Variants in NUP188 observed in about 807,000 individuals in gnomAD.
The protein encoded by NUP188 is nucleoporin NUP188.
In NUP188, 97 loss-of-function variants were observed where a neutral mutation model predicts 223.0. The ratio of observed to expected loss-of-function variants is 0.43; its 90% CI spans 0.37 to 0.51. NUP188 has a LOEUF of 0.51. Ranked by LOEUF, NUP188 falls within the 20% of genes least tolerant of loss-of-function variation. The pLI is 0.00. For synonymous variants in NUP188, 869 were observed against 828.0 expected, an observed-to-expected ratio of 1.05 and a Z score of -0.85; for missense variants, 1,947 against 2,175.6, an observed-to-expected ratio of 0.89 and a Z score of 2.09.
intron 13 of NUP188, among the ~76,000 whole-genome samples, chr9:128,979,706 C>T (rs1334281376): frequency 3.3e-5 from 5 of 152,038 alleles, no homozygotes; most frequent in Admixed American, 3.3e-4. Flanking sequence ...GATCTCGGCT[C>T]ACTGCAACCT....
At position 128,999,620 on chromosome 9, in the gene NUP188, A is replaced by G. The variant is rs2302811; in HGVS notation, c.3662-4A>G. 0.37 allele frequency: 603,964 copies of G among 1,611,356 alleles called. 117,674 individuals carry two copies. The highest frequency in any genetic ancestry group is 0.42 in the Admixed American group (25,052 of 59,938). ...GACAGTGTCCCTCCCTGTCTATTCT[A>G]CAGTAAGTGACATCCCCCAGTACTC... is the stretch of plus-strand genomic sequence containing the variant. On this transcript the variant is annotated splice_region_variant and splice_polypyrimidine_tract_variant and intron_variant, in intron 33 of 43. Coordinates refer to ENST00000372577, the MANE Select transcript of NUP188 (RefSeq NM_015354.3).
chr9:129,004,317 A>G (rs1201695516), intron 38 of NUP188, among the ~76,000 whole-genome samples: 2 of 151,490 alleles, frequency 1.3e-5, no homozygotes, highest in Non-Finnish European at 2.9e-5. Context: ...AAACAAAACC[A>G]AAAAAACACA....
At chr9:128,961,085 CAA>C (rs561298362) in intron 8 of NUP188, among the ~76,000 whole-genome samples, 3 of 41,028 alleles carry the variant, frequency 7.3e-5, no homozygotes, top group Non-Finnish European at 1.5e-4. Flanking sequence ...GACTCCGTCT[CAA>C]AAAAAAAAAA....
intron 8 of NUP188, among the ~76,000 whole-genome samples, chr9:128,963,348 C>T (rs541434176): frequency 2.7e-5 from 4 of 147,850 alleles, no homozygotes; most frequent in Admixed American, 6.8e-5. Context: ...TTCAGTGGCG[C>T]GATTTCGACT....
intron 30 of NUP188, among the ~76,000 whole-genome samples, chr9:128,996,020 T>A (rs1345986498): frequency 6.6e-6 from 1 of 151,978 alleles, no homozygotes; most frequent in African/African-American, 2.4e-5. Context: ...CTACTGGGAG[T>A]TGGTTTTGAG....
intron 8 of NUP188, among the ~76,000 whole-genome samples, chr9:128,960,501 A>G (rs1009403026): frequency 1.3e-5 from 2 of 152,254 alleles, no homozygotes; most frequent in Non-Finnish European, 2.9e-5. Flanking sequence ...ATAGATGAAA[A>G]GGGCCTATTT....
chr9:128,994,300 G>A (rs1842481059), intron 27 of NUP188, 73 bp from the exon 28 acceptor site: 5 of 994,120 alleles, frequency 5.0e-6, no homozygotes, highest in African/African-American at 3.2e-5. Context: ...GACCACCAAA[G>A]GGAGCTTGAG....
chr9:129,003,481 G>A (rs1337281165), intron 38 of NUP188, 27 bp downstream of exon 38: 3 of 1,604,222 alleles, frequency 1.9e-6, no homozygotes, highest in African/African-American at 1.3e-5. Flanking sequence ...GTGTCTTGGA[G>A]TCTGGGGTAA....
intron 12 of NUP188, among the ~76,000 whole-genome samples, chr9:128,974,844 C>T (rs929435287): frequency 1.3e-5 from 2 of 151,566 alleles, no homozygotes; most frequent in Admixed American, 1.3e-4. Context: ...CTTCAACCTG[C>T]ACCCCCTGGG....
intron 3 of NUP188, among the ~76,000 whole-genome samples, chr9:128,953,141 T>G (rs1159106174): frequency 3.3e-5 from 5 of 152,206 alleles, no homozygotes; most frequent in Admixed American, 2.6e-4. Flanking sequence ...CCACAGTGTC[T>G]GTGTGAGTAC....
At chr9:128,954,592 G>T (rs1564549564) in intron 3 of NUP188, among the ~76,000 whole-genome samples, 1 of 151,534 alleles carries the variant, frequency 6.6e-6, no homozygotes, top group African/African-American at 2.4e-5. Context: ...CACTGTGTTC[G>T]CCAGGATGGT....
rs1360254538 is a variant in NUP188 at position 128,986,597 on chromosome 9, T to G, written c.2116T>G (p.Cys706Gly). 2 of 1,614,052 alleles carry G rather than the reference T, an allele frequency of 1.2e-6. No homozygotes were observed. ...TACCCAGAGCCAAGGACTTGTACCCTGTGTAATGTTTGTGCTGAAGGAGAT... is the reference window on the plus strand; with the variant it reads ...TACCCAGAGCCAAGGACTTGTACCCGGTGTAATGTTTGTGCTGAAGGAGAT... ...GSTQSQGLVP[C>G]VMFVLKEMLP... Residue 706 changes from cysteine (C) to glycine (G), a missense_variant, in exon 21 of 44, where the codon TGT (cysteine) becomes GGT (glycine). Transcript: ENST00000372577.
At chr9:128,968,799 A>G in intron 9 of NUP188, 82 bp downstream of exon 9, 2 of 1,076,734 alleles carry the variant, frequency 1.9e-6, no homozygotes, top group Non-Finnish European at 2.8e-6. Context: ...GGTAGGGGGT[A>G]GGTGTACTTT....
intron 41 of NUP188, 62 bp downstream of exon 41, chr9:129,005,838 C>G (rs1842784230): frequency 3.9e-6 from 6 of 1,543,314 alleles, no homozygotes; most frequent in Non-Finnish European, 5.2e-6. Context: ...CTGCCACTTC[C>G]CAGCTGACCT....
Position 128,970,738 on chromosome 9 carries a change from G to T in NUP188, c.913-20G>T, listed in dbSNP as rs1842093848. 1 of 1,603,368 alleles carries T rather than the reference G, an allele frequency of 6.2e-7. No homozygotes were observed. Among genetic ancestry groups the T allele is most frequent in the East Asian group, 2.2e-5 (1 of 44,842 alleles). On this transcript the variant is annotated intron_variant, in intron 10 of 43. Transcript: ENST00000372577. ...ACACTTTCTGTTCGGAGATGTAGAT[G>T]TGTTTTCTTCTCTCACTAGGATATG... is the stretch of plus-strand genomic sequence containing the variant.
At chr9:128,983,892 C>G (rs1326451251) in intron 19 of NUP188, among the ~76,000 whole-genome samples, 1 of 152,086 alleles carries the variant, frequency 6.6e-6, no homozygotes, top group Non-Finnish European at 1.5e-5. Flanking sequence ...ACGATCTAAG[C>G]TCACTGCAGC....
intron 12 of NUP188, among the ~76,000 whole-genome samples, chr9:128,973,993 C>T (rs888607833): frequency 7.9e-5 from 12 of 151,978 alleles, no homozygotes; most frequent in Admixed American, 2.0e-4. Context: ...TCACTGCAAC[C>T]TCTGCCTCCT....
At position 128,998,182 on chromosome 9, in the gene NUP188, T is replaced by G; in HGVS notation, c.3383T>G (p.Val1128Gly). The change falls in exon 31 of 44, where the codon GTG becomes GGG. Residue 1128 changes from valine to glycine, a missense_variant. Physicochemically the swap from Val to Gly is moderately radical, Grantham distance 109 (BLOSUM62 -3). Around this residue, in one of 3 missense-constraint regions of NUP188, gnomAD observed 905 missense variants for 990.6 expected, o/e 0.91. Coordinates refer to ENST00000372577, the MANE Select transcript of NUP188 (RefSeq NM_015354.3). ...ATAATGCACCTGACTGACTCTGTGGTGCGTCGCCAGCTCTTTCTTGACGTG... is the reference window on the plus strand; with the variant it reads ...ATAATGCACCTGACTGACTCTGTGGGGCGTCGCCAGCTCTTTCTTGACGTG... ...ADIMHLTDSV[V>G]RRQLFLDVLD... 6.2e-7 allele frequency: 1 copy of G among 1,614,134 alleles called. No individual in the cohort carries two copies. The highest frequency in any genetic ancestry group is 2.2e-5 in the East Asian group (1 of 44,886).
At chr9:128,981,629 A>C (rs1365956504) in intron 15 of NUP188, among the ~76,000 whole-genome samples, 1 of 152,168 alleles carries the variant, frequency 6.6e-6, no homozygotes, top group Non-Finnish European at 1.5e-5. Flanking sequence ...AGGAAAATAT[A>C]CAGGGAATAG....
Sources: gnomAD v4.1 joint callset for allele counts (sites outside exome capture counted in the v4.1 genomes callset) on GRCh38, gnomAD v4.1.1 for gene constraint, gnomAD v4.1.1 regional missense constraint, MANE v1.5 for transcripts, NCBI Gene and HGNC (gene_info 2026-07-23, HGNC 2026-07-21) for gene names.